The following CHL1 variants were observed in gnomAD, a reference collection of about 807,000 sequenced individuals.
CHL1 encodes the protein cell adhesion molecule L1 like, also known as neural cell adhesion molecule L1-like protein.
CHL1 carries 96 observed loss-of-function variants against 141.9 expected under a neutral mutation model. The ratio of observed to expected loss-of-function variants is 0.68; its 90% CI spans 0.57 to 0.80. The LOEUF (loss-of-function observed/expected upper bound fraction) is 0.80. Among genes scored for constraint, CHL1 ranks in the 30% least tolerant of loss-of-function variants. The probability of loss-of-function intolerance (pLI) is 0.00; values close to 1 mark genes in which losing one functional copy is unlikely to be tolerated. For synonymous variants in CHL1, 613 were observed against 502.2 expected (o/e 1.22, Z -2.95); for missense variants, 1,820 against 1,457.2 (o/e 1.25, Z -4.05).
chr3:358,205 G>A (rs115116338), intron 11 of CHL1, among the ~76,000 whole-genome samples: 1,824 of 152,204 alleles, frequency 0.012, 33 homozygotes, highest in African/African-American at 0.042. Context: ...AGTGCTTGGA[G>A]AGCATTCCTT....
At chr3:371,480 A>T (rs75772860) in intron 15 of CHL1, among the ~76,000 whole-genome samples, 1 of 151,850 alleles carries the variant, frequency 6.6e-6, no homozygotes, top group Non-Finnish European at 1.5e-5. Flanking sequence ...CCATCCCTTT[A>T]TTTTGAATCT....
intron 2 of CHL1, among the ~76,000 whole-genome samples, chr3:311,945 T>C (rs1054056724): frequency 4.6e-5 from 7 of 152,212 alleles, no homozygotes; most frequent in Non-Finnish European, 7.3e-5. Context: ...TTTCCGTAAT[T>C]TTCTTTCTTA....
intron 2 of CHL1, among the ~76,000 whole-genome samples, chr3:307,060 G>C (rs1216438247): frequency 6.6e-6 from 1 of 152,130 alleles, no homozygotes; most frequent in East Asian, 1.9e-4. Context: ...ATTCCATATA[G>C]AAAGTTTACC....
At chr3:373,071 C>T (rs907207695) in intron 15 of CHL1, among the ~76,000 whole-genome samples, 9 of 152,166 alleles carry the variant, frequency 5.9e-5, no homozygotes, top group African/African-American at 2.2e-4. Flanking sequence ...CTTGGAGGGT[C>T]TCACCCAGTT....
chr3:242,391 T>C (rs1692695941), intron 1 of CHL1, among the ~76,000 whole-genome samples: 2 of 141,046 alleles, frequency 1.4e-5, no homozygotes, highest in South Asian at 2.5e-4. Context: ...GGTCAGGAGA[T>C]CGAGACCATC....
intron 1 of CHL1, among the ~76,000 whole-genome samples, chr3:205,871 G>A (rs1699388703): frequency 6.6e-6 from 1 of 152,178 alleles, no homozygotes; most frequent in Non-Finnish European, 1.5e-5. Flanking sequence ...AACACCCAAT[G>A]TAAGCTGGGC....
chr3:243,293 C>A (rs116125933), intron 1 of CHL1, among the ~76,000 whole-genome samples: 4 of 152,134 alleles, frequency 2.6e-5, no homozygotes, highest in Non-Finnish European at 2.9e-5. Context: ...GTTCTGTACT[C>A]TTCTACTTAG....
At chr3:366,828 T>C (rs995333446) in intron 15 of CHL1, among the ~76,000 whole-genome samples, 1 of 152,202 alleles carries the variant, frequency 6.6e-6, no homozygotes, top group Non-Finnish European at 1.5e-5. Context: ...ACCCCATTGG[T>C]ACTACTCGTG....
Position 377,874 on chromosome 3 carries a change from G to A in CHL1, c.1808G>A (p.Gly603Asp). Residue 603 changes from glycine to aspartate, a missense_variant, in exon 16 of 28, where the codon GGT becomes GAT. Physicochemically the swap from Gly to Asp is moderately conservative, Grantham distance 94 (BLOSUM62 -1). Transcript: ENST00000256509. ...TISNVTLEDQGIYCCSAHTAL... is the reference protein window; with the variant it reads ...TISNVTLEDQDIYCCSAHTAL... ...TCTAATGTAACTTTAGAGGACCAAG[G>A]TATTTACTGCTGTTCAGCTCATACT... 6.2e-7 allele frequency: 1 copy of A among 1,611,842 alleles called. No individual in the cohort carries two copies. Among genetic ancestry groups the A allele is most frequent in the Non-Finnish European group, 8.5e-7 (1 of 1,178,226 alleles).
At chr3:323,548 G>C (rs1220567182) in intron 3 of CHL1, among the ~76,000 whole-genome samples, 1 of 152,104 alleles carries the variant, frequency 6.6e-6, no homozygotes, top group Non-Finnish European at 1.5e-5. Context: ...TTCAATGAAT[G>C]TTTAAAAAAC....
chr3:333,914 A>AT (rs1256125166), intron 5 of CHL1, among the ~76,000 whole-genome samples: 2 of 152,032 alleles, frequency 1.3e-5, no homozygotes, highest in East Asian at 1.9e-4. Context: ...AGCCTAGATA[A>AT]TTTTTTTCCT....
chr3:197,812 G>A (rs778381517), intron 1 of CHL1: 14 of 456,404 alleles, frequency 3.1e-5, no homozygotes, highest in Admixed American at 9.4e-5. Flanking sequence ...AGCCCGGGGG[G>A]CTGGAGATGC....
Position 307,830 on chromosome 3 carries a change from T to C in CHL1, c.-94-11853T>C, listed in dbSNP as rs1030036410. On this transcript the variant is annotated intron_variant, in intron 2 of 27. Transcript: ENST00000256509. ...AGTTTTGTTTAAGACCTTTTGAATA[T>C]TGACTGACTATACTTATGGGGTACA... is the stretch of plus-strand genomic sequence containing the variant. Among the ~76,000 whole-genome samples the C allele has an allele frequency of 5.3e-5, 8 of 152,330 alleles. No individual in the cohort carries two copies. The South Asian group carries it at 1.7e-3, about 32-fold the overall frequency.
Position 408,641 on chromosome 3 carries a change from C to T in CHL1, c.*2930C>T, listed in dbSNP as rs1709677545. 6.6e-6 allele frequency: 1 copy of T among 152,036 alleles called. No homozygotes were observed. The highest frequency in any genetic ancestry group is 2.1e-4 in the South Asian group (1 of 4,826). The allele number at this position is 152,036 out of a possible 1,614,324, so 9.4% of individuals were successfully genotyped here. ...CAACTCAACTTTTTTCCTGTGAACACATAAATATATTTTTATAGAAAAACA... is the reference window on the plus strand; with the variant it reads ...CAACTCAACTTTTTTCCTGTGAACATATAAATATATTTTTATAGAAAAACA... On this transcript the variant is annotated 3_prime_UTR_variant, in exon 28 of 28. Coordinates refer to ENST00000256509, the MANE Select transcript of CHL1 (RefSeq NM_006614.4).
chr3:281,081 A>G (rs1319215886), intron 2 of CHL1, among the ~76,000 whole-genome samples: 2 of 152,124 alleles, frequency 1.3e-5, no homozygotes, highest in East Asian at 3.9e-4. Context: ...GACTTGTATT[A>G]CTGGTTTCTC....
chr3:383,791 A>G (rs761929647), intron 18 of CHL1, 25 bp from the exon 19 acceptor site: 1 of 1,571,620 alleles, frequency 6.4e-7, no homozygotes, highest in Admixed American at 1.7e-5. Flanking sequence ...AAGGAAAAAT[A>G]ATGTTAATGT....
chr3:316,294 G>A (rs1296805500), intron 2 of CHL1, among the ~76,000 whole-genome samples: 1 of 151,844 alleles, frequency 6.6e-6, no homozygotes, highest in Admixed American at 6.6e-5. Context: ...ACCTTACCGA[G>A]GACTCTAGTA....
intron 1 of CHL1, among the ~76,000 whole-genome samples, chr3:231,575 C>CTTTT (rs5845954): frequency 1.8e-4 from 18 of 100,556 alleles, no homozygotes; most frequent in East Asian, 8.7e-4. Flanking sequence ...TTATTTCTTC[C>CTTTT]TTTTTTTTTT....
chr3:257,582 AC>A (rs1694296465), intron 2 of CHL1, among the ~76,000 whole-genome samples: 1 of 151,676 alleles, frequency 6.6e-6, no homozygotes, highest in African/African-American at 2.4e-5. Flanking sequence ...CAAATTCCTA[AC>A]CTCAGGTGAT....
Sources: gnomAD v4.1 joint callset for allele counts (sites outside exome capture counted in the v4.1 genomes callset) on GRCh38, gnomAD v4.1.1 for gene constraint, MANE v1.5 for transcripts, NCBI Gene and HGNC (gene_info 2026-07-23, HGNC 2026-07-21) for gene names.